Variants in TNNI3K observed in about 807,000 individuals in gnomAD.
The protein encoded by TNNI3K is TNNI3 interacting kinase.
Under a neutral mutation model 114.5 loss-of-function variants are expected in TNNI3K, and 140 were observed. The ratio of observed to expected loss-of-function variants is 1.22; its 90% CI spans 1.07 to 1.41. TNNI3K has a LOEUF of 1.41. TNNI3K is among the 40% of genes most tolerant of loss of function. The pLI, the probability that TNNI3K is intolerant of heterozygous loss-of-function variation, is 0.00. For missense variants in TNNI3K, 1,125 were observed against 1,007.6 expected, an observed-to-expected ratio of 1.12 and a Z score of -1.58; for synonymous variants, 347 against 347.5, an observed-to-expected ratio of 1.00 and a Z score of 0.02.
chr1:74,510,746 C>T (rs533771400), intron 23 of TNNI3K, among the ~76,000 whole-genome samples: 29 of 152,296 alleles, frequency 1.9e-4, no homozygotes, highest in African/African-American at 7.0e-4. Context: ...TTGAAAAGTT[C>T]ATGGAATTAA....
chr1:74,378,184 A>G (rs973261785), intron 17 of TNNI3K, among the ~76,000 whole-genome samples: 4 of 151,972 alleles, frequency 2.6e-5, no homozygotes, highest in African/African-American at 7.2e-5. Context: ...TTGTAATCTG[A>G]TTTCAGATTT....
At chr1:74,239,103 G>A (rs989898160) in intron 2 of TNNI3K, among the ~76,000 whole-genome samples, 4 of 152,058 alleles carry the variant, frequency 2.6e-5, no homozygotes, top group African/African-American at 9.7e-5. Flanking sequence ...TGAGGAATAT[G>A]GGAACAGAAA....
chr1:74,428,641 G>A (rs2100649583), intron 17 of TNNI3K, among the ~76,000 whole-genome samples: 1 of 152,200 alleles, frequency 6.6e-6, no homozygotes, highest in African/African-American at 2.4e-5. Context: ...TGTCAAGAAT[G>A]TAGGATGAAG....
Position 74,296,958 on chromosome 1 carries a change from A to G in TNNI3K, c.444+25250A>G, listed in dbSNP as rs192373094. The stretch of plus-strand genomic sequence containing the variant: ...TAGTATTAATTGAATATGTGGCTTC[A>G]TGTATTTCTTCATTTGAGAAAATCC... On this transcript the variant is annotated intron_variant, in intron 5 of 24. Transcript: ENST00000326637. 4.4e-3 allele frequency among the ~76,000 whole-genome samples: 667 copies of G among 152,204 alleles called. 2 individuals are homozygous for G. Among genetic ancestry groups the G allele is most frequent in the Non-Finnish European group, 6.4e-3 (438 of 67,996 alleles).
intron 7 of TNNI3K, among the ~76,000 whole-genome samples, chr1:74,336,416 T>G (rs1458239472): frequency 6.6e-6 from 1 of 152,148 alleles, no homozygotes; most frequent in African/African-American, 2.4e-5. Context: ...TAGTTACATA[T>G]GTATACATGT....
At chr1:74,405,748 T>G (rs1048103307) in intron 17 of TNNI3K, among the ~76,000 whole-genome samples, 4 of 152,178 alleles carry the variant, frequency 2.6e-5, no homozygotes, top group African/African-American at 9.7e-5. Flanking sequence ...GATCAACTAC[T>G]GGGCTCCCTG....
chr1:74,295,567 C>T (rs917090792), intron 5 of TNNI3K, among the ~76,000 whole-genome samples: 1 of 152,014 alleles, frequency 6.6e-6, no homozygotes, highest in African/African-American at 2.4e-5. Flanking sequence ...GCTATATTTT[C>T]TTGATTAAAT....
At chr1:74,285,830 C>T (rs1482742581) in intron 5 of TNNI3K, among the ~76,000 whole-genome samples, 2 of 152,116 alleles carry the variant, frequency 1.3e-5, no homozygotes, top group Admixed American at 6.5e-5. Context: ...AAGTAGCTTA[C>T]AAAATTACAA....
intron 5 of TNNI3K, among the ~76,000 whole-genome samples, chr1:74,291,260 A>C (rs513169): frequency 6.6e-6 from 1 of 151,462 alleles, no homozygotes; most frequent in African/African-American, 2.4e-5. Context: ...TCATTAATTA[A>C]ATATTTTTAA....
intron 5 of TNNI3K, among the ~76,000 whole-genome samples, chr1:74,324,818 C>G (rs1570467275): frequency 6.6e-6 from 1 of 152,160 alleles, no homozygotes; most frequent in East Asian, 1.9e-4. Flanking sequence ...TAAGCAGGCA[C>G]TAGCTCTGTG....
chr1:74,360,907 A>T (rs952507511), intron 11 of TNNI3K, among the ~76,000 whole-genome samples: 2 of 152,090 alleles, frequency 1.3e-5, no homozygotes, highest in Admixed American at 1.3e-4. Flanking sequence ...TGGGCCTTTA[A>T]TTCATTGTCT....
chr1:74,470,964 A>G (rs980129174), intron 21 of TNNI3K: 6 of 400,632 alleles, frequency 1.5e-5, no homozygotes, highest in African/African-American at 1.0e-4. Flanking sequence ...ATGGTAAAAC[A>G]TCACTTCCTG....
intron 23 of TNNI3K, among the ~76,000 whole-genome samples, chr1:74,497,947 C>G (rs904944329): frequency 2.6e-5 from 4 of 152,278 alleles, no homozygotes; most frequent in South Asian, 4.1e-4. Flanking sequence ...TCTCTCTTCT[C>G]AGATGCATCC....
At chr1:74,292,164 T>C (rs1484295192) in intron 5 of TNNI3K, among the ~76,000 whole-genome samples, 2 of 151,524 alleles carry the variant, frequency 1.3e-5, no homozygotes, top group African/African-American at 2.4e-5. Context: ...TTTAGCAATT[T>C]TGTGTCTTTG....
chr1:74,253,907 C>T (rs894156419), intron 4 of TNNI3K, among the ~76,000 whole-genome samples: 1 of 152,230 alleles, frequency 6.6e-6, no homozygotes, highest in Non-Finnish European at 1.5e-5. Context: ...ACGCTGTCAC[C>T]TCTTAGTTGT....
At chr1:74,399,675 T>C (rs1167305136) in intron 17 of TNNI3K, among the ~76,000 whole-genome samples, 1 of 152,132 alleles carries the variant, frequency 6.6e-6, no homozygotes. Context: ...ATAGATCACC[T>C]AAGGAACCCT....
rs116382660 is a variant in TNNI3K at position 74,492,874 on chromosome 1, G to A, written c.2351+608G>A. Among the ~76,000 whole-genome samples the A allele has an allele frequency of 5.7e-3, 875 of 152,258 alleles. 8 individuals are homozygous for A. The highest frequency in any genetic ancestry group is 0.02 in the African/African-American group (825 of 41,538). On this transcript the variant is annotated intron_variant, in intron 23 of 24. Coordinates refer to ENST00000326637, the MANE Select transcript of TNNI3K (RefSeq NM_015978.3). ...ATGTATTTCCGCAGTCTGAAAGCTG[G>A]AAGTCCAAGATCAGGTTCAGCATGG...
chr1:74,396,144 C>G (rs1664069106), intron 17 of TNNI3K, among the ~76,000 whole-genome samples: 1 of 152,192 alleles, frequency 6.6e-6, no homozygotes, highest in Non-Finnish European at 1.5e-5. Context: ...TGCCCCATCT[C>G]AAACATCTCA....
intron 23 of TNNI3K, among the ~76,000 whole-genome samples, chr1:74,525,801 A>C (rs1214953514): frequency 6.6e-6 from 1 of 152,192 alleles, no homozygotes; most frequent in Non-Finnish European, 1.5e-5. Context: ...GCCCAGCAGG[A>C]AATGTCAAAA....
Sources: allele counts gnomAD v4.1 joint callset (sites outside exome capture counted in the v4.1 genomes callset), GRCh38; gene constraint gnomAD v4.1.1; transcripts MANE v1.5; gene names NCBI Gene and HGNC (gene_info 2026-07-23, HGNC 2026-07-21).